TAOK1: variants seen among roughly 807,000 people sequenced by gnomAD.
TAOK1 encodes serine/threonine-protein kinase TAO1.
A neutral mutation model predicts 138.3 loss-of-function variants in TAOK1; 21 were observed. That is an observed-to-expected ratio of 0.15 (90% confidence interval 0.11 to 0.22). The LOEUF is 0.22. Ranked by LOEUF, TAOK1 falls within the 10% of genes least tolerant of loss-of-function variation. TAOK1 has a pLI of 1.00. For synonymous variants in TAOK1, 361 were observed against 398.4 expected (o/e 0.91, Z 1.12); for missense variants, 651 against 1,227.7 (o/e 0.53, Z 7.02).
At chr17:29,533,480 C>T (rs1478746918) in intron 18 of TAOK1, among the ~76,000 whole-genome samples, 1 of 152,004 alleles carries the variant, frequency 6.6e-6, no homozygotes, top group Admixed American at 6.6e-5. Context: ...TTTGGGAGGC[C>T]AAGGCAGGCG....
intron 1 of TAOK1, among the ~76,000 whole-genome samples, chr17:29,409,310 TATA>T (rs2153020762): frequency 1.9e-5 from 1 of 53,730 alleles, no homozygotes; most frequent in South Asian, 8.8e-4. Context: ...TTTATGGACA[TATA>T]TATATATATA....
chr17:29,467,464 G>A (rs2030698826), intron 3 of TAOK1, among the ~76,000 whole-genome samples: 3 of 151,922 alleles, frequency 2.0e-5, no homozygotes, highest in African/African-American at 4.8e-5. Context: ...TAGTAGAGAT[G>A]GGTTTCACCG....
chr17:29,491,665 C>CT (rs1008172967), intron 9 of TAOK1, 119 bp from the exon 10 acceptor site: 77 of 711,068 alleles, frequency 1.1e-4, no homozygotes, highest in Non-Finnish European at 1.3e-4. Context: ...ATAGTCTCTG[C>CT]TTTTTTTTAA....
At chr17:29,473,368 G>C (rs2030871677) in intron 3 of TAOK1, among the ~76,000 whole-genome samples, 1 of 152,124 alleles carries the variant, frequency 6.6e-6, no homozygotes, top group South Asian at 2.1e-4. Flanking sequence ...GGGCATGGTG[G>C]CTCACACCTG....
At chr17:29,418,884 C>T (rs181088790) in intron 1 of TAOK1, among the ~76,000 whole-genome samples, 16 of 148,222 alleles carry the variant, frequency 1.1e-4, no homozygotes, top group African/African-American at 2.7e-4. Flanking sequence ...GAGTTCTTCA[C>T]GTTTATTCTT....
intron 1 of TAOK1, among the ~76,000 whole-genome samples, chr17:29,441,768 C>T (rs1233318502): frequency 2.0e-5 from 3 of 151,800 alleles, no homozygotes; most frequent in Non-Finnish European, 4.4e-5. Flanking sequence ...GCGTGGTGTG[C>T]GCGCCTGTAG....
intron 1 of TAOK1, among the ~76,000 whole-genome samples, chr17:29,402,041 A>G (rs1904860427): frequency 2.6e-5 from 4 of 152,062 alleles, no homozygotes; most frequent in Admixed American, 2.6e-4. Flanking sequence ...TTTTCTTTCA[A>G]CAACTCTCCT....
intron 1 of TAOK1, among the ~76,000 whole-genome samples, chr17:29,425,874 GTTTGTTTTGT>G (rs551071172): frequency 4.6e-5 from 7 of 151,644 alleles, no homozygotes; most frequent in Admixed American, 2.6e-4. Context: ...GGTTTTTTTT[GTTTGTTTTGT>G]TTTGTTTTGT....
At chr17:29,458,945 C>G (rs141888172) in intron 2 of TAOK1, among the ~76,000 whole-genome samples, 4,142 of 152,050 alleles carry the variant, frequency 0.027, 105 homozygotes, top group Middle Eastern at 0.1. Context: ...GTCTTGAATT[C>G]CTGACCTCAA....
At chr17:29,467,301 T>C in intron 3 of TAOK1, 85 bp downstream of exon 3, 1 of 727,898 alleles carries the variant, frequency 1.4e-6, no homozygotes, top group East Asian at 3.4e-5. Flanking sequence ...TGAGACTGAG[T>C]CTCCCTCTGT....
chr17:29,515,568 G>T (rs2031799133), intron 15 of TAOK1, among the ~76,000 whole-genome samples: 1 of 152,100 alleles, frequency 6.6e-6, no homozygotes, highest in Non-Finnish European at 1.5e-5. Context: ...GGGTGCAGTG[G>T]CTCACACGTG....
chr17:29,401,755 A>G (rs1029834062), intron 1 of TAOK1, among the ~76,000 whole-genome samples: 2 of 152,016 alleles, frequency 1.3e-5, no homozygotes, highest in African/African-American at 4.8e-5. Flanking sequence ...CTTGGGCTCA[A>G]GCAATCCTCC....
chr17:29,413,736 T>A (rs1905198395), intron 1 of TAOK1, among the ~76,000 whole-genome samples: 1 of 152,184 alleles, frequency 6.6e-6, no homozygotes, highest in African/African-American at 2.4e-5. Flanking sequence ...TGCACCCATT[T>A]ATTATAGCAG....
Position 29,544,018 on chromosome 17 carries a change from C to T in TAOK1, c.*996C>T, listed in dbSNP as rs2032362940. Reference sequence around the variant, plus strand: ...GCTCTATAATGCCCAAGACCCCAAACAGTACTTTTACTTTGTTTGTACAAA... The same window carrying T: ...GCTCTATAATGCCCAAGACCCCAAATAGTACTTTTACTTTGTTTGTACAAA... On this transcript the variant is annotated 3_prime_UTR_variant, in exon 20 of 20. Transcript: ENST00000261716. The T allele has an allele frequency of 6.6e-6, 1 of 152,520 alleles. No homozygotes were observed. The highest frequency in any genetic ancestry group is 2.4e-5 in the African/African-American group (1 of 41,436). 9.4% of individuals were successfully genotyped at this position (152,520 alleles called of 1,614,324 possible).
Position 29,470,320 on chromosome 17 carries a change from A to G in TAOK1, c.204+3104A>G, listed in dbSNP as rs1198702249. Among the ~76,000 whole-genome samples, 5 of 152,312 alleles carry G rather than the reference A, an allele frequency of 3.3e-5. No individual in the cohort carries two copies. The East Asian group carries it at 9.6e-4, about 29-fold the overall frequency. ...TAGTGAATAAGGCTCTTAGTAAACT[A>G]TGTAGGAAAAGATTTTTGTACTGCT... On this transcript the variant is annotated intron_variant, in intron 3 of 19. Coordinates refer to ENST00000261716, the MANE Select transcript of TAOK1 (RefSeq NM_020791.4).
Position 29,408,047 on chromosome 17 carries a change from T to C in TAOK1, c.-95+17023T>C, listed in dbSNP as rs1351103453. On this transcript the variant is annotated intron_variant, in intron 1 of 19. Coordinates refer to ENST00000261716, the MANE Select transcript of TAOK1 (RefSeq NM_020791.4). ...ATTCCTGACCAATGTTTTGATTTTT[T>C]GTAGAGATTTTCTAGATTCTGTGCC... Among the ~76,000 whole-genome samples the C allele has an allele frequency of 2.6e-5, 4 of 152,052 alleles. No homozygotes were observed. In the East Asian group the frequency reaches 7.8e-4, roughly 30 times the overall value.
chr17:29,391,716 A>G (rs1170793247), intron 1 of TAOK1, among the ~76,000 whole-genome samples: 6 of 152,144 alleles, frequency 3.9e-5, no homozygotes, highest in African/African-American at 1.4e-4. Context: ...TGGGAAGTGT[A>G]TCTGTTCTGG....
At chr17:29,496,859 T>TA (rs1156703801) in intron 11 of TAOK1, among the ~76,000 whole-genome samples, 1 of 152,052 alleles carries the variant, frequency 6.6e-6, no homozygotes, top group African/African-American at 2.4e-5. Context: ...GTGCTAGGAT[T>TA]ACAGGTGTGA....
At position 29,542,837 on chromosome 17, in the gene TAOK1, C is replaced by A. The variant is rs2032342629; in HGVS notation, c.2821C>A (p.Pro941Thr). 1.2e-6 allele frequency: 2 copies of A among 1,614,152 alleles called. No homozygotes were observed. Among genetic ancestry groups the A allele is most frequent in the Non-Finnish European group, 1.7e-6 (2 of 1,180,002 alleles). The change falls in exon 20 of 20, where the codon CCC (proline) becomes ACC (threonine). Residue 941 changes from proline (P) to threonine (T), a missense_variant. Coordinates refer to ENST00000261716, the MANE Select transcript of TAOK1 (RefSeq NM_020791.4). ...TTGGGGCCATCCAATGCAAGGTGGA[C>A]CCCAGCCATGGGGTCACCCTTCAGG... Reference protein sequence around the residue: ...QAWGHPMQGGPQPWGHPSGPM... With the variant: ...QAWGHPMQGGTQPWGHPSGPM...
Sources: gnomAD v4.1 joint callset for allele counts (sites outside exome capture counted in the v4.1 genomes callset) on GRCh38, gnomAD v4.1.1 for gene constraint, MANE v1.5 for transcripts, NCBI Gene and HGNC (gene_info 2026-07-23, HGNC 2026-07-21) for gene names.